GNAQ: variants seen among roughly 807,000 people sequenced by gnomAD.
GNAQ encodes G protein subunit alpha q.
A neutral mutation model predicts 43.9 loss-of-function variants in GNAQ; 8 were observed. The observed-to-expected ratio is 0.18, with a 90% confidence interval of 0.11 to 0.33. The LOEUF (loss-of-function observed/expected upper bound fraction) is 0.33, where lower values mean the gene tolerates loss of function less well. GNAQ is among the 10% of genes least tolerant of loss of function. GNAQ has a pLI of 1.00. For synonymous variants in GNAQ, 155 were observed against 170.7 expected, an observed-to-expected ratio of 0.91 and a Z score of 0.71; for missense variants, 158 against 450.8, an observed-to-expected ratio of 0.35 and a Z score of 5.88.
At chr9:77,939,357 C>T (rs140209897) in intron 1 of GNAQ, among the ~76,000 whole-genome samples, 351 of 152,248 alleles carry the variant, frequency 2.3e-3, no homozygotes, top group Non-Finnish European at 4.1e-3. Context: ...AAATTCTGAT[C>T]CTGCAGCATG....
At chr9:77,756,069 G>C (rs561101577) in intron 5 of GNAQ, among the ~76,000 whole-genome samples, 2 of 152,144 alleles carry the variant, frequency 1.3e-5, no homozygotes, top group African/African-American at 2.4e-5. Flanking sequence ...CTTAGCCTCC[G>C]AGCCTACATC....
intron 2 of GNAQ, among the ~76,000 whole-genome samples, chr9:77,887,455 T>A (rs1368303688): frequency 1.3e-5 from 2 of 152,218 alleles, no homozygotes; most frequent in Non-Finnish European, 2.9e-5. Flanking sequence ...CCCCAGCCTA[T>A]TAGGCTTGCT....
At chr9:77,814,079 G>A (rs1826972784) in intron 3 of GNAQ, among the ~76,000 whole-genome samples, 1 of 152,092 alleles carries the variant, frequency 6.6e-6, no homozygotes, top group Admixed American at 6.6e-5. Context: ...GCAGCAACAT[G>A]GGGAGATAGA....
At chr9:77,781,544 C>T (rs1826393374) in intron 5 of GNAQ, among the ~76,000 whole-genome samples, 1 of 152,058 alleles carries the variant, frequency 6.6e-6, no homozygotes, top group South Asian at 2.1e-4. Context: ...AATACCAAAA[C>T]CAGACAAAGT....
chr9:77,831,183 A>C (rs1026605367), intron 2 of GNAQ, among the ~76,000 whole-genome samples: 1 of 152,240 alleles, frequency 6.6e-6, no homozygotes, highest in African/African-American at 2.4e-5. Context: ...AGAACTTACT[A>C]CCAGACCACT....
intron 2 of GNAQ, among the ~76,000 whole-genome samples, chr9:77,843,249 A>G (rs1381866482): frequency 6.6e-6 from 1 of 152,116 alleles, no homozygotes. Flanking sequence ...AGCCATGCGG[A>G]TATCTGGGGG....
intron 2 of GNAQ, among the ~76,000 whole-genome samples, chr9:77,826,834 G>A (rs1479719354): frequency 6.6e-6 from 1 of 152,222 alleles, no homozygotes; most frequent in Non-Finnish European, 1.5e-5. Context: ...TCCTTGGTTT[G>A]TACTTCAGAT....
chr9:77,767,408 A>G (rs1230246419), intron 5 of GNAQ, among the ~76,000 whole-genome samples: 1 of 152,106 alleles, frequency 6.6e-6, no homozygotes, highest in Non-Finnish European at 1.5e-5. Context: ...CTCTGCTGAG[A>G]ACCACTGCTC....
At chr9:77,987,534 A>C (rs996630246) in intron 1 of GNAQ, among the ~76,000 whole-genome samples, 3 of 152,184 alleles carry the variant, frequency 2.0e-5, no homozygotes, top group Admixed American at 6.5e-5. Context: ...CCTTGTGAAT[A>C]TCTCTCGGCA....
At chr9:77,794,651 T>C in intron 4 of GNAQ, 59 bp from the exon 5 acceptor site, 1 of 1,043,484 alleles carries the variant, frequency 9.6e-7, no homozygotes, top group Non-Finnish European at 1.4e-6. Context: ...AAAGTCAACA[T>C]AAATATAGCA....
intron 5 of GNAQ, among the ~76,000 whole-genome samples, chr9:77,788,280 T>A (rs1826515245): frequency 6.6e-6 from 1 of 151,988 alleles, no homozygotes; most frequent in Admixed American, 6.5e-5. Context: ...AAGGAGCATG[T>A]GAAACACAGC....
chr9:77,833,169 T>A (rs1301788897), intron 2 of GNAQ, among the ~76,000 whole-genome samples: 1 of 152,092 alleles, frequency 6.6e-6, no homozygotes, highest in Non-Finnish European at 1.5e-5. Flanking sequence ...GGATTCACCA[T>A]GTTGGCCAGG....
At chr9:77,758,955 AT>A (rs944806026) in intron 5 of GNAQ, among the ~76,000 whole-genome samples, 4 of 152,206 alleles carry the variant, frequency 2.6e-5, no homozygotes, top group African/African-American at 4.8e-5. Context: ...TTTAAAAAAA[AT>A]CATCCTGTTT....
At chr9:77,847,967 C>A (rs1045326021) in intron 2 of GNAQ, among the ~76,000 whole-genome samples, 5 of 152,228 alleles carry the variant, frequency 3.3e-5, no homozygotes, top group Admixed American at 2.0e-4. Flanking sequence ...ATTTCAGTTT[C>A]TCTCCCTTCA....
chr9:78,025,628 T>C (rs1823968539), intron 1 of GNAQ, among the ~76,000 whole-genome samples: 1 of 152,160 alleles, frequency 6.6e-6, no homozygotes, highest in Non-Finnish European at 1.5e-5. Flanking sequence ...CTCAACCCAA[T>C]ACAGAGGAAA....
intron 1 of GNAQ, among the ~76,000 whole-genome samples, chr9:77,966,235 C>CTTCATGGT: frequency 6.6e-6 from 1 of 152,042 alleles, no homozygotes; most frequent in Non-Finnish European, 1.5e-5. Context: ...TATTTGTTAT[C>CTTCATGGT]TTCATGGTGG....
chr9:78,000,768 C>G (rs928665620), intron 1 of GNAQ, among the ~76,000 whole-genome samples: 2 of 152,182 alleles, frequency 1.3e-5, no homozygotes, highest in African/African-American at 4.8e-5. Flanking sequence ...CAAGTTCTTA[C>G]TATTCATCTT....
At chr9:77,821,851 A>G (rs183684524) in intron 2 of GNAQ, among the ~76,000 whole-genome samples, 1 of 152,270 alleles carries the variant, frequency 6.6e-6, no homozygotes, top group East Asian at 1.9e-4. Flanking sequence ...AATTGAAAAG[A>G]GAGATTAAAG....
chr9:77,776,170 T>C (rs1270052817), intron 5 of GNAQ, among the ~76,000 whole-genome samples: 1 of 152,120 alleles, frequency 6.6e-6, no homozygotes, highest in Non-Finnish European at 1.5e-5. Flanking sequence ...TCCTCCCATC[T>C]CCCTTTTCCA....
Sources: gnomAD v4.1 joint callset for allele counts (sites outside exome capture counted in the v4.1 genomes callset) on GRCh38, gnomAD v4.1.1 for gene constraint, MANE v1.5 for transcripts, NCBI Gene and HGNC (gene_info 2026-07-23, HGNC 2026-07-21) for gene names.